MYRIP: variants seen among roughly 807,000 people sequenced by gnomAD.
The protein encoded by MYRIP is rab effector MyRIP.
A neutral mutation model predicts 98.0 loss-of-function variants in MYRIP; 49 were observed. The ratio of observed to expected loss-of-function variants is 0.50; its 90% CI spans 0.40 to 0.63. MYRIP has a LOEUF of 0.63. MYRIP is among the 30% of genes least tolerant of loss of function. MYRIP has a pLI of 0.00. For missense variants in MYRIP, 1,004 were observed against 1,058.2 expected, an observed-to-expected ratio of 0.95 and a Z score of 0.71; for synonymous variants, 404 against 409.5, an observed-to-expected ratio of 0.99 and a Z score of 0.16.
intron 2 of MYRIP, among the ~76,000 whole-genome samples, chr3:39,982,556 C>A (rs1015432092): frequency 6.6e-6 from 1 of 152,046 alleles, no homozygotes; most frequent in African/African-American, 2.4e-5. Context: ...GTTTCAGAAG[C>A]CTGAGGCCTG....
chr3:39,820,919 C>T (rs2125572184), intron 1 of MYRIP, among the ~76,000 whole-genome samples: 1 of 152,210 alleles, frequency 6.6e-6, no homozygotes, highest in Middle Eastern at 3.4e-3. Context: ...GTTCTTCCCA[C>T]TCCCCCTGCC....
At chr3:40,204,154 A>ATATAGAGTAT in intron 10 of MYRIP, among the ~76,000 whole-genome samples, 2 of 24,466 alleles carry the variant, frequency 8.2e-5, no homozygotes, top group South Asian at 7.8e-4. Context: ...TAATATATAA[A>ATATAGAGTAT]TATATAATAT....
chr3:40,156,533 G>A (rs1298189951), intron 4 of MYRIP, among the ~76,000 whole-genome samples: 1 of 152,124 alleles, frequency 6.6e-6, no homozygotes, highest in Non-Finnish European at 1.5e-5. Flanking sequence ...TGTGAAGAAA[G>A]TAATTGGTAG....
chr3:40,155,289 A>G (rs1409599878), intron 4 of MYRIP, among the ~76,000 whole-genome samples: 3 of 151,584 alleles, frequency 2.0e-5, no homozygotes, highest in East Asian at 2.0e-4. Context: ...ATGATTTCCA[A>G]TTTCATCCAT....
rs374716438 is a variant in MYRIP at position 39,953,961 on chromosome 3, G to A, written c.110+53035G>A. ...CTGCAAGGTGGCAGGGAGGCTGGGAGAGGGGCGTCCACCATTACTGAGGCT... is the reference window on the plus strand; with the variant it reads ...CTGCAAGGTGGCAGGGAGGCTGGGAAAGGGGCGTCCACCATTACTGAGGCT... On this transcript the variant is annotated intron_variant, in intron 2 of 16. Transcript: ENST00000302541. 1.3e-3 allele frequency among the ~76,000 whole-genome samples: 199 copies of A among 152,310 alleles called. 3 individuals are homozygous for A. The South Asian group carries it at 0.039, about 30-fold the overall frequency.
intron 2 of MYRIP, among the ~76,000 whole-genome samples, chr3:39,982,040 T>C (rs2125759962): frequency 6.6e-6 from 1 of 152,326 alleles, no homozygotes; most frequent in African/African-American, 2.4e-5. Flanking sequence ...CTCAATTTCC[T>C]CAACTATAAA....
intron 2 of MYRIP, among the ~76,000 whole-genome samples, chr3:39,915,331 T>A (rs532131302): frequency 2.0e-5 from 3 of 152,188 alleles, no homozygotes; most frequent in African/African-American, 7.2e-5. Context: ...ATTGATTTTG[T>A]ATAACCTAAG....
At chr3:40,173,740 A>G (rs1410891666) in intron 8 of MYRIP, 2 of 152,208 alleles carry the variant, frequency 1.3e-5, no homozygotes, top group Non-Finnish European at 2.9e-5. Flanking sequence ...ACTGAGGAAG[A>G]CATTTAGAGG....
intron 10 of MYRIP, among the ~76,000 whole-genome samples, chr3:40,201,629 T>C (rs1407691382): frequency 6.6e-6 from 1 of 151,904 alleles, no homozygotes; most frequent in Non-Finnish European, 1.5e-5. Flanking sequence ...ACATGATGGG[T>C]TCTCCATGAG....
chr3:40,102,546 G>C (rs747961269), intron 3 of MYRIP, among the ~76,000 whole-genome samples: 2 of 152,140 alleles, frequency 1.3e-5, no homozygotes. Flanking sequence ...TAAATGTGTG[G>C]GTTTAATTTG....
chr3:40,259,971 A>G lies in MYRIP; in HGVS notation c.*1805A>G, dbSNP rs1207469065. ...ACTGTGTAAGCCTTGCAAACAAAAA[A>G]CAACAAAAAAGAAGCAGCAGCAGCA... On this transcript the variant is annotated 3_prime_UTR_variant, in exon 17 of 17. Transcript: ENST00000302541. 4.1e-5 allele frequency: 6 copies of G among 146,992 alleles called. No homozygotes were observed. The highest frequency in any genetic ancestry group is 2.1e-4 in the South Asian group (1 of 4,752). 9.1% of individuals were successfully genotyped at this position (146,992 alleles called of 1,614,324 possible).
intron 2 of MYRIP, among the ~76,000 whole-genome samples, chr3:40,006,109 T>A (rs1946627861): frequency 6.6e-6 from 1 of 152,154 alleles, no homozygotes; most frequent in Admixed American, 6.5e-5. Context: ...AAGGTGCATA[T>A]GGTTAAAGAA....
intron 2 of MYRIP, among the ~76,000 whole-genome samples, chr3:39,920,725 ATG>A (rs1327516907): frequency 6.6e-6 from 1 of 152,196 alleles, no homozygotes; most frequent in Non-Finnish European, 1.5e-5. Flanking sequence ...CTTTTTCAGT[ATG>A]AAGTGGAAGC....
At chr3:39,999,908 C>T (rs1200868938) in intron 2 of MYRIP, among the ~76,000 whole-genome samples, 1 of 151,760 alleles carries the variant, frequency 6.6e-6, no homozygotes, top group Non-Finnish European at 1.5e-5. Context: ...CCATCATTCT[C>T]AGCAAACTAT....
intron 3 of MYRIP, among the ~76,000 whole-genome samples, chr3:40,115,751 C>T (rs1476428974): frequency 6.6e-6 from 1 of 151,696 alleles, no homozygotes; most frequent in South Asian, 2.1e-4. Context: ...AAAAGCTAGA[C>T]TCAGGAACAA....
At chr3:40,213,615 C>CACAG (rs1553628398) in intron 11 of MYRIP, among the ~76,000 whole-genome samples, 4 of 150,628 alleles carry the variant, frequency 2.7e-5, no homozygotes, top group Non-Finnish European at 5.9e-5. Flanking sequence ...GAGCAACACA[C>CACAG]ACACACACAC....
At chr3:40,116,362 C>A (rs1223701647) in intron 3 of MYRIP, among the ~76,000 whole-genome samples, 2 of 152,170 alleles carry the variant, frequency 1.3e-5, no homozygotes, top group Non-Finnish European at 2.9e-5. Context: ...ACACACCTAG[C>A]AGCATAAGAC....
chr3:40,010,696 T>C lies in MYRIP; in HGVS notation c.111-33354T>C, dbSNP rs72871406. 7.9e-3 allele frequency among the ~76,000 whole-genome samples: 1,196 copies of C among 152,292 alleles called. 14 individuals are homozygous for C. The highest frequency in any genetic ancestry group is 0.028 in the African/African-American group (1,146 of 41,548). The stretch of plus-strand genomic sequence containing the variant: ...CTTTGCATTGGTTCTTCAGCCAGTA[T>C]GGTTGCTCTAAGCTGCCATACCTCC... On this transcript the variant is annotated intron_variant, in intron 2 of 16. Transcript: ENST00000302541.
intron 1 of MYRIP, among the ~76,000 whole-genome samples, chr3:39,838,269 G>A (rs1394100061): frequency 1.3e-5 from 2 of 152,200 alleles, no homozygotes; most frequent in Non-Finnish European, 2.9e-5. Flanking sequence ...TTGAGAGAGG[G>A]CATCCTTGTC....
Sources: gnomAD v4.1 joint callset for allele counts (sites outside exome capture counted in the v4.1 genomes callset) on GRCh38, gnomAD v4.1.1 for gene constraint, MANE v1.5 for transcripts, NCBI Gene and HGNC (gene_info 2026-07-23, HGNC 2026-07-21) for gene names.